The following CDK9 variants were observed in gnomAD, a reference collection of about 807,000 sequenced individuals.
CDK9 encodes cyclin dependent kinase 9, also known as cyclin-dependent kinase 9.
A neutral mutation model predicts 39.0 loss-of-function variants in CDK9; 34 were observed. The ratio of observed to expected loss-of-function variants is 0.87; its 90% confidence interval spans 0.66 to 1.16. The LOEUF (loss-of-function observed/expected upper bound fraction) is 1.16. Among genes scored for constraint, CDK9 ranks in the 50% most tolerant of loss-of-function variants. The pLI is 0.00. For missense variants in CDK9, 369 were observed against 503.2 expected, an observed-to-expected ratio of 0.73 and a Z score of 2.55; for synonymous variants, 233 against 196.2, an observed-to-expected ratio of 1.19 and a Z score of -1.57.
rs2131826261 is a variant in CDK9 at position 127,786,099 on chromosome 9, G to A, written c.-50G>A. On this transcript the variant is annotated 5_prime_UTR_variant, in exon 1 of 7. Coordinates refer to ENST00000373264, the MANE Select transcript of CDK9 (RefSeq NM_001261.4). ...GCGGCGGCGGCGGGACCCGGAGCAG[G>A]AGCGGCGGCAGCAGCGACTGGGGGC... The A allele has an allele frequency of 1.4e-6, 2 of 1,441,934 alleles. No individual in the cohort carries two copies. The highest frequency in any genetic ancestry group is 1.8e-4 in the Middle Eastern group (1 of 5,606). 89.3% of individuals were successfully genotyped at this position (1,441,934 alleles called of 1,614,324 possible). A position where few individuals can be genotyped will look rare whatever the true frequency, so the allele number is the denominator to read the frequency against.
At position 127,789,252 on chromosome 9, in the gene CDK9, G is replaced by A. The variant is rs1179157853; in HGVS notation, c.828G>A (p.Lys276=). 4.3e-6 allele frequency: 7 copies of A among 1,613,244 alleles called. No individual in the cohort carries two copies. The South Asian group carries it at 5.5e-5, about 13-fold the overall frequency. The change falls in exon 7 of 7, where the codon AAG becomes AAA. Residue 276 remains lysine, a synonymous_variant. Coordinates refer to ENST00000373264, the MANE Select transcript of CDK9 (RefSeq NM_001261.4). The surrounding 1 kb of genome is among the most constrained non-coding windows in gnomAD (Gnocchi z 5.2). ...ELVKGQKRKV[K]DRLKAYVRDP... is the part of the protein sequence containing the mutation. ...TCAAGGGCCAGAAGCGGAAGGTGAAGGACAGGCTGAAGGCCTATGTGCGTG... is the reference window on the plus strand; with the variant it reads ...TCAAGGGCCAGAAGCGGAAGGTGAAAGACAGGCTGAAGGCCTATGTGCGTG...
rs1032317267 is a variant in CDK9, at chr9:127,789,724, G to A, written c.*181G>A. ...GAGCATTGGCTGAGAGACCAGGAGG[G>A]CACTGGAGCTGTCTTGTCCTTGCTG... On this transcript the variant is annotated 3_prime_UTR_variant, in exon 7 of 7. Coordinates refer to ENST00000373264, the MANE Select transcript of CDK9 (RefSeq NM_001261.4). The surrounding 1 kb of genome is among the most constrained non-coding windows in gnomAD (Gnocchi z 5.2). 2.6e-6 allele frequency: 2 copies of A among 774,944 alleles called. No individual in the cohort carries two copies. Among genetic ancestry groups the A allele is most frequent in the African/African-American group, 3.5e-5 (2 of 56,964 alleles). 48.0% of individuals were successfully genotyped at this position (774,944 alleles called of 1,614,324 possible).
Position 127,786,153 on chromosome 9 carries a change from C to T in CDK9, c.5C>T (p.Ala2Val). The change falls in exon 1 of 7, where the codon GCA becomes GTA. Residue 2 changes from alanine to valine, a missense_variant. Transcript: ENST00000373264. ...GGCGGCGCGTTGGAGGCGGCCATGGCAAAGCAGTACGACTCGGTGGAGTGC... is the reference window on the plus strand; with the variant it reads ...GGCGGCGCGTTGGAGGCGGCCATGGTAAAGCAGTACGACTCGGTGGAGTGC... Reference protein sequence around the residue: MAKQYDSVECPF... With the variant: MVKQYDSVECPF... The T allele has an allele frequency of 6.2e-7, 1 of 1,602,158 alleles. No homozygotes were observed. The highest frequency in any genetic ancestry group is 8.5e-7 in the Non-Finnish European group (1 of 1,175,364).
rs1474729591 is a variant in CDK9 at position 127,786,705 on chromosome 9, G to T, written c.97G>T (p.Val33Leu). The T allele has an allele frequency of 6.2e-7, 1 of 1,613,718 alleles. No individual in the cohort carries two copies. Among genetic ancestry groups the T allele is most frequent in the Admixed American group, 1.7e-5 (1 of 59,978 alleles). Residue 33 changes from valine (V) to leucine (L), a missense_variant, in exon 2 of 7, where the codon GTG becomes TTG. Coordinates refer to ENST00000373264, the MANE Select transcript of CDK9 (RefSeq NM_001261.4). ...AKIGQGTFGE[V>L]FKARHRKTGQ... Reference sequence around the variant, plus strand: ...GGTCTCCCTTTCCGCCTGCAGGGAGGTGTTCAAGGCCAGGCACCGCAAGAC... The same window carrying T: ...GGTCTCCCTTTCCGCCTGCAGGGAGTTGTTCAAGGCCAGGCACCGCAAGAC...
At chr9:127,786,283 C>T (rs1829313622) in intron 1 of CDK9, 43 bp downstream of exon 1, 6 of 1,498,026 alleles carry the variant, frequency 4.0e-6, no homozygotes, top group African/African-American at 1.4e-5. Flanking sequence ...GGGCCTGCAC[C>T]CCTAGGGCCG....
At position 127,786,814 on chromosome 9, in the gene CDK9, G is replaced by T. The variant is rs372145564; in HGVS notation, c.174+32G>T. 817 of 1,593,998 alleles carry T rather than the reference G, an allele frequency of 5.1e-4. 3 individuals carry two copies. Among genetic ancestry groups the T allele is most frequent in the Middle Eastern group, 1.0e-3 (6 of 6,022 alleles). On this transcript the variant is annotated intron_variant, in intron 2 of 6. Transcript: ENST00000373264. The stretch of plus-strand genomic sequence containing the variant: ...ACGGATCGGGCGTGCGGGCCGGCCG[G>T]CTAACTGCCCGGGACCCCGGGTCGG...
At chr9:127,787,766 G>T (rs887661567) in intron 3 of CDK9, among the ~76,000 whole-genome samples, 158 bp downstream of exon 3, 3 of 152,110 alleles carry the variant, frequency 2.0e-5, no homozygotes, top group African/African-American at 7.2e-5. Context: ...GTGCTTCCTC[G>T]GGGCCTGCCC....
Position 127,786,115 on chromosome 9 carries a change from G to T in CDK9, c.-34G>T, listed in dbSNP as rs1383868082. 1.3e-6 allele frequency: 2 copies of T among 1,539,024 alleles called. No homozygotes were observed. Among genetic ancestry groups the T allele is most frequent in the South Asian group, 1.1e-5 (1 of 87,814 alleles). The stretch of plus-strand genomic sequence containing the variant: ...CCGGAGCAGGAGCGGCGGCAGCAGC[G>T]ACTGGGGGCGGCGGCGGCGCGTTGG... On this transcript the variant is annotated 5_prime_UTR_variant, in exon 1 of 7. Transcript: ENST00000373264.
rs1222840513 is a variant in CDK9, at chr9:127,789,494, G to C, written c.1070G>C (p.Ser357Thr). 1 of 1,614,104 alleles carries C rather than the reference G, an allele frequency of 6.2e-7. No homozygotes were observed. ...SQITQQSTNQ[S>T]RNPATTNQTE... Reference sequence around the variant, plus strand: ...ATCACCCAGCAGTCCACCAACCAGAGTCGCAATCCCGCCACCACCAACCAG... The same window carrying C: ...ATCACCCAGCAGTCCACCAACCAGACTCGCAATCCCGCCACCACCAACCAG... Residue 357 changes from serine to threonine, a missense_variant, in exon 7 of 7, where the codon AGT becomes ACT. Ser to Thr is a moderately conservative substitution (Grantham distance 58). Coordinates refer to ENST00000373264, the MANE Select transcript of CDK9 (RefSeq NM_001261.4). The surrounding 1 kb of genome is among the most constrained non-coding windows in gnomAD (Gnocchi z 5.2).
At position 127,787,834 on chromosome 9, in the gene CDK9, G is replaced by T. The variant is rs1829358113; in HGVS notation, c.266-113G>T. 6.1e-6 allele frequency: 7 copies of T among 1,144,776 alleles called. No individual in the cohort carries two copies. The East Asian group carries it at 1.7e-4, about 27-fold the overall frequency. 70.9% of individuals were successfully genotyped at this position (1,144,776 alleles called of 1,614,324 possible). On this transcript the variant is annotated intron_variant, in intron 3 of 6. Coordinates refer to ENST00000373264, the MANE Select transcript of CDK9 (RefSeq NM_001261.4). ...CCGGTGAAGGAAGGAACAGACAGAT[G>T]CTCTGGAGGGCATGGGTGCCCGTGG...
rs370044826 is a variant in CDK9, at chr9:127,789,285, C to T, written c.861C>T (p.Tyr287=). The T allele has an allele frequency of 4.8e-5, 77 of 1,613,942 alleles. No homozygotes were observed. The Middle Eastern group carries it at 4.9e-4, about 10-fold the overall frequency. ...TGAAGGCCTATGTGCGTGACCCATACGCACTGGACCTCATCGACAAGCTGC... is the reference window on the plus strand; with the variant it reads ...TGAAGGCCTATGTGCGTGACCCATATGCACTGGACCTCATCGACAAGCTGC... The part of the protein sequence containing the change: ...DRLKAYVRDP[Y]ALDLIDKLLV... The change falls in exon 7 of 7, where the codon TAC becomes TAT. Residue 287 remains tyrosine, a synonymous_variant. Transcript: ENST00000373264. This position sits in a 1 kb window ranked among gnomAD's most constrained non-coding sequence, Gnocchi z 5.2.
At chr9:127,788,515 G>A (rs1361061832) in intron 5 of CDK9, 29 bp from the exon 6 acceptor site, 5 of 1,538,660 alleles carry the variant, frequency 3.2e-6, no homozygotes, top group East Asian at 4.8e-5. Context: ...CGGGCTCAAG[G>A]GGCCCTCCTG....
rs760023385 is a variant in CDK9, at chr9:127,789,522, G to A, written c.1098G>A (p.Thr366=). ...QSRNPATTNQ[T]EFERVF ...GCAATCCCGCCACCACCAACCAGAC[G>A]GAGTTTGAGCGCGTCTTCTGAGGGC... The change falls in exon 7 of 7, where the codon ACG becomes ACA. Residue 366 remains threonine, a synonymous_variant. Transcript: ENST00000373264. The surrounding 1 kb of genome is among the most constrained non-coding windows in gnomAD (Gnocchi z 5.2). 1.2e-5 allele frequency: 19 copies of A among 1,613,950 alleles called. No individual in the cohort carries two copies. The highest frequency in any genetic ancestry group is 8.3e-5 in the Admixed American group (5 of 60,018).
In CDK9 at chr9:127,786,780, G is replaced by C. The variant is rs149950953; in HGVS notation, c.172G>C (p.Gly58Arg). The C allele has an allele frequency of 1.2e-6, 2 of 1,613,940 alleles. No homozygotes were observed. The highest frequency in any genetic ancestry group is 1.7e-6 in the Non-Finnish European group (2 of 1,179,938). ...GGTGCTGATGGAAAACGAGAAGGAG[G>C]GGGTGAGTACGGATCGGGCGTGCGG... ...KKVLMENEKE[G>R]FPITALREIK... The change falls in exon 2 of 7, where the codon GGG becomes CGG. Residue 58 changes from glycine to arginine, a missense_variant and splice_region_variant. Transcript: ENST00000373264.
At position 127,786,074 on chromosome 9, in the gene CDK9, G is replaced by A; in HGVS notation, c.-75G>A. 2 of 1,040,642 alleles carry A rather than the reference G, an allele frequency of 1.9e-6. No homozygotes were observed. The highest frequency in any genetic ancestry group is 3.3e-5 in the East Asian group (1 of 30,098). 64.5% of individuals were successfully genotyped at this position (1,040,642 alleles called of 1,614,324 possible). ...GCGCGGCCGCGGAGGGGCCTGGAGT[G>A]CGGCGGCGGCGGGACCCGGAGCAGG... On this transcript the variant is annotated 5_prime_UTR_variant, in exon 1 of 7. Coordinates refer to ENST00000373264, the MANE Select transcript of CDK9 (RefSeq NM_001261.4).
Position 127,789,279 on chromosome 9 carries a change from C to T in CDK9, c.855C>T (p.Asp285=). 1 of 1,613,880 alleles carries T rather than the reference C, an allele frequency of 6.2e-7. No individual in the cohort carries two copies. The highest frequency in any genetic ancestry group is 8.5e-7 in the Non-Finnish European group (1 of 1,179,952). ...VKDRLKAYVR[D]PYALDLIDKL... The stretch of plus-strand genomic sequence containing the variant: ...ACAGGCTGAAGGCCTATGTGCGTGA[C>T]CCATACGCACTGGACCTCATCGACA... Residue 285 remains aspartate, a synonymous_variant, in exon 7 of 7, where the codon GAC becomes GAT. Coordinates refer to ENST00000373264, the MANE Select transcript of CDK9 (RefSeq NM_001261.4). This position sits in a 1 kb window ranked among gnomAD's most constrained non-coding sequence, Gnocchi z 5.2.
At chr9:127,788,826 G>A (rs1829378662) in intron 6 of CDK9, 134 bp downstream of exon 6, 1 of 901,372 alleles carries the variant, frequency 1.1e-6, no homozygotes, top group Non-Finnish European at 1.6e-6. Flanking sequence ...TTGGGGTGGG[G>A]AGTGTGTGGG....
At position 127,789,897 on chromosome 9, in the gene CDK9, G is replaced by A. The variant is rs557627689; in HGVS notation, c.*354G>A. 2.2e-4 allele frequency: 60 copies of A among 277,444 alleles called. No individual in the cohort carries two copies. In the South Asian group the frequency reaches 2.5e-3, roughly 11 times the overall value. The allele number at this position is 277,444 out of a possible 1,614,324, so 17.2% of individuals were successfully genotyped here. A position where few individuals can be genotyped will look rare whatever the true frequency, so the allele number is the denominator to read the frequency against. ...CCTATTCTCGGGCTGAGAACCCTGC[G>A]TGGGGACAGGGCTCGCCTCAGGAAT... On this transcript the variant is annotated 3_prime_UTR_variant, in exon 7 of 7. Coordinates refer to ENST00000373264, the MANE Select transcript of CDK9 (RefSeq NM_001261.4). The surrounding 1 kb of genome is among the most constrained non-coding windows in gnomAD (Gnocchi z 5.2).
In CDK9 at chr9:127,786,704, G is replaced by A. The variant is rs1829328122; in HGVS notation, c.96G>A (p.Glu32=). 6.2e-7 allele frequency: 1 copy of A among 1,613,674 alleles called. No individual in the cohort carries two copies. Among genetic ancestry groups the A allele is most frequent in the Non-Finnish European group, 8.5e-7 (1 of 1,179,892 alleles). The change falls in exon 2 of 7, where the codon GAG becomes GAA. Residue 32 remains glutamate, a synonymous_variant. Coordinates refer to ENST00000373264, the MANE Select transcript of CDK9 (RefSeq NM_001261.4). ...GGGTCTCCCTTTCCGCCTGCAGGGA[G>A]GTGTTCAAGGCCAGGCACCGCAAGA... is the stretch of plus-strand genomic sequence containing the variant. ...LAKIGQGTFG[E]VFKARHRKTG... is the part of the protein sequence containing the mutation.
Sources: allele counts gnomAD v4.1 joint callset (sites outside exome capture counted in the v4.1 genomes callset), GRCh38; gene constraint gnomAD v4.1.1; non-coding constraint Gnocchi (gnomAD v3.1); transcripts MANE v1.5; gene names NCBI Gene and HGNC (gene_info 2026-07-23, HGNC 2026-07-21).